The following LRP2 variants were observed in gnomAD, a reference collection of about 807,000 sequenced individuals.
The protein encoded by LRP2 is low-density lipoprotein receptor-related protein 2.
Under a neutral mutation model 531.0 loss-of-function variants are expected in LRP2, and 172 were observed. That is an observed-to-expected ratio of 0.32 (90% CI 0.29 to 0.37). The LOEUF is 0.37. Ranked by LOEUF, LRP2 falls within the 10% of genes least tolerant of loss-of-function variation. The pLI, the probability that LRP2 is intolerant of heterozygous loss-of-function variation, is 1.00. For synonymous variants in LRP2, 1,992 were observed against 2,027.6 expected (o/e 0.98, Z 0.47); for missense variants, 5,167 against 5,868.3 (o/e 0.88, Z 3.90).
At position 169,140,598 on chromosome 2, in the gene LRP2, C is replaced by T. The variant is rs577090982; in HGVS notation, c.13109-53G>A. 584 of 1,406,142 alleles carry T rather than the reference C, an allele frequency of 4.2e-4. 1 individual carries two copies. The highest frequency in any genetic ancestry group is 8.4e-4 in the South Asian group (73 of 86,448). The allele number at this position is 1,406,142 out of a possible 1,614,324, so 87.1% of individuals were successfully genotyped here. A position where few individuals can be genotyped will look rare whatever the true frequency, so the allele number is the denominator to read the frequency against. On this transcript the variant is annotated intron_variant, in intron 71 of 78. Transcript: ENST00000649046. ...TTAGTCAGCTGTACTCAGCAGAGTG[C>T]CCACACCATGCAAACCGGCCCAGGT...
At chr2:169,153,266 C>T (rs115760548) in intron 66 of LRP2, among the ~76,000 whole-genome samples, 107 of 152,284 alleles carry the variant, frequency 7.0e-4, no homozygotes, top group African/African-American at 2.4e-3. Context: ...GGATCAAGTT[C>T]TAGTTTCCAA....
At chr2:169,159,583 C>A (rs1686497647) in intron 63 of LRP2, among the ~76,000 whole-genome samples, 1 of 151,938 alleles carries the variant, frequency 6.6e-6, no homozygotes, top group South Asian at 2.1e-4. Flanking sequence ...TTTTCATGAG[C>A]CATTTTCAGA....
intron 31 of LRP2, among the ~76,000 whole-genome samples, chr2:169,227,080 G>A (rs1689228045): frequency 1.3e-5 from 2 of 152,098 alleles, no homozygotes. Context: ...GTGTTGCCTA[G>A]TATTTATTGA....
rs1685381701 is a variant in LRP2 at position 169,133,905 on chromosome 2, G to A, written c.13621-1224C>T. 2.6e-5 allele frequency among the ~76,000 whole-genome samples: 4 copies of A among 152,162 alleles called. 1 individual carries two copies. The highest frequency in any genetic ancestry group is 1.3e-4 in the Admixed American group (2 of 15,272). ...AGCAAATTACCTGGGCTGTACTGCT[G>A]CAAAGCTTCACAGACAGCCCCCATT... On this transcript the variant is annotated intron_variant, in intron 76 of 78. Transcript: ENST00000649046.
intron 4 of LRP2, among the ~76,000 whole-genome samples, chr2:169,299,143 GAAA>G (rs1684219008): frequency 6.0e-5 from 3 of 49,972 alleles, no homozygotes; most frequent in East Asian, 5.3e-4. Context: ...AAGAAAGAAA[GAAA>G]GAAAGAAAGA....
chr2:169,353,328 G>C lies in LRP2; in HGVS notation c.79+8993C>G, dbSNP rs544420857. ...CCCATTTGCCCTGGCAGCCATATCAGAATCATATGGGAAGCCAGACCGCAC... is the reference window on the plus strand; with the variant it reads ...CCCATTTGCCCTGGCAGCCATATCACAATCATATGGGAAGCCAGACCGCAC... On this transcript the variant is annotated intron_variant, in intron 1 of 78. Transcript: ENST00000649046. 5.3e-5 allele frequency among the ~76,000 whole-genome samples: 8 copies of C among 152,260 alleles called. No individual in the cohort carries two copies. In the East Asian group the frequency reaches 1.5e-3, roughly 29 times the overall value.
At chr2:169,159,844 A>G (rs1686507794) in intron 63 of LRP2, among the ~76,000 whole-genome samples, 1 of 152,134 alleles carries the variant, frequency 6.6e-6, no homozygotes, top group Admixed American at 6.5e-5. Context: ...AAATCTATAA[A>G]GGGATTAGGG....
intron 52 of LRP2, among the ~76,000 whole-genome samples, chr2:169,179,513 G>A (rs1412617995): frequency 1.3e-5 from 2 of 152,026 alleles, no homozygotes; most frequent in Non-Finnish European, 2.9e-5. Flanking sequence ...CTGAGGTCGG[G>A]AGTTCGAGAC....
chr2:169,152,240 T>A (rs955783841), intron 67 of LRP2, among the ~76,000 whole-genome samples: 1 of 152,208 alleles, frequency 6.6e-6, no homozygotes, highest in Non-Finnish European at 1.5e-5. Context: ...CAGAAGAGAC[T>A]GACACCTCTA....
intron 1 of LRP2, among the ~76,000 whole-genome samples, chr2:169,355,758 T>C (rs1685970737): frequency 6.6e-6 from 1 of 152,146 alleles, no homozygotes; most frequent in Non-Finnish European, 1.5e-5. Context: ...AAAGACAAGA[T>C]TGGCCTGACA....
At chr2:169,281,293 G>A (rs1179553725) in intron 10 of LRP2, among the ~76,000 whole-genome samples, 2 of 152,088 alleles carry the variant, frequency 1.3e-5, no homozygotes, top group Non-Finnish European at 2.9e-5. Flanking sequence ...ATGGTGGCGG[G>A]GGCCTGTAAT....
chr2:169,335,066 T>C (rs892660812), intron 1 of LRP2, among the ~76,000 whole-genome samples: 3 of 152,194 alleles, frequency 2.0e-5, no homozygotes, highest in African/African-American at 7.2e-5. Flanking sequence ...GGCCCAGTCT[T>C]CGGTCAAGGG....
chr2:169,182,661 T>A (rs998254337), intron 50 of LRP2: 100 of 984,910 alleles, frequency 1.0e-4, no homozygotes, highest in Non-Finnish European at 1.2e-4. Context: ...GAAGCAGAGG[T>A]GAGTATCATG....
chr2:169,304,741 C>T (rs558901979), intron 4 of LRP2, among the ~76,000 whole-genome samples: 5 of 152,012 alleles, frequency 3.3e-5, no homozygotes, highest in African/African-American at 1.2e-4. Context: ...TAATGTCTTT[C>T]AAAAAATAAA....
At chr2:169,274,116 G>C (rs1683491960) in intron 14 of LRP2, among the ~76,000 whole-genome samples, 1 of 152,096 alleles carries the variant, frequency 6.6e-6, no homozygotes, top group Admixed American at 6.5e-5. Flanking sequence ...CTTAACATGA[G>C]TTTTAGAGCA....
At chr2:169,304,519 A>C (rs1023220483) in intron 4 of LRP2, among the ~76,000 whole-genome samples, 3 of 152,214 alleles carry the variant, frequency 2.0e-5, no homozygotes, top group Non-Finnish European at 2.9e-5. Context: ...CATATGGTTT[A>C]TCATTATTAT....
chr2:169,180,597 G>T (rs1687392429), intron 52 of LRP2, among the ~76,000 whole-genome samples: 1 of 152,156 alleles, frequency 6.6e-6, no homozygotes, highest in Non-Finnish European at 1.5e-5. Context: ...AGGGAGCATG[G>T]TGTTAGAGAA....
chr2:169,335,256 T>A (rs147025746), intron 1 of LRP2, among the ~76,000 whole-genome samples: 1 of 152,250 alleles, frequency 6.6e-6, no homozygotes, highest in African/African-American at 2.4e-5. Context: ...AAATCATTCA[T>A]ATTTCAGGTG....
rs1688377447 is a variant in LRP2 at position 169,206,164 on chromosome 2, G to A, written c.7415C>T (p.Ala2472Val). The A allele has an allele frequency of 6.2e-6, 10 of 1,614,144 alleles. No homozygotes were observed. In the East Asian group the frequency reaches 2.0e-4, roughly 32 times the overall value. ...ASGIGTADGI[A>V]FDWITRRIYY... ...AATTCTTCTAGTAATCCAGTCAAAG[G>A]CAATGCCATCAGCAGTCCCTATACC... The change falls in exon 40 of 79, where the codon GCC becomes GTC. Residue 2472 changes from alanine to valine, a missense_variant. Ala to Val is a moderately conservative substitution (Grantham distance 64). Around this residue, in one of 6 missense-constraint regions of LRP2, gnomAD observed 1,129 missense variants for 1,362.7 expected, o/e 0.83. Coordinates refer to ENST00000649046, the MANE Select transcript of LRP2 (RefSeq NM_004525.3).
Sources: allele counts gnomAD v4.1 joint callset (sites outside exome capture counted in the v4.1 genomes callset), GRCh38; gene constraint gnomAD v4.1.1; regional missense constraint gnomAD v4.1.1; transcripts MANE v1.5; gene names NCBI Gene and HGNC (gene_info 2026-07-23, HGNC 2026-07-21).